Variants in PCDHGB5 observed in about 807,000 individuals in gnomAD.
The protein encoded by PCDHGB5 is protocadherin gamma subfamily B, 5.
Under a neutral mutation model 62.9 loss-of-function variants are expected in PCDHGB5, and 48 were observed. The ratio of observed to expected loss-of-function variants is 0.76; its 90% CI spans 0.61 to 0.97. PCDHGB5 has a LOEUF of 0.97. PCDHGB5 is among the 50% of genes least tolerant of loss of function. The probability of loss-of-function intolerance (pLI) is 0.00; values close to 1 mark genes in which losing one functional copy is unlikely to be tolerated. For synonymous variants in PCDHGB5, 474 were observed against 511.2 expected, an observed-to-expected ratio of 0.93 and a Z score of 0.98; for missense variants, 1,118 against 1,198.6, an observed-to-expected ratio of 0.93 and a Z score of 0.99.
At chr5:141,409,201 A>G (rs2095240333) in intron 1 of PCDHGB5, 1 of 1,614,044 alleles carries the variant, frequency 6.2e-7, no homozygotes, top group Non-Finnish European at 8.5e-7. Flanking sequence ...AGTGTAAAGT[A>G]ATCATAGAAA....
intron 1 of PCDHGB5, among the ~76,000 whole-genome samples, chr5:141,475,520 C>T (rs2099364531): frequency 6.6e-6 from 1 of 152,204 alleles, no homozygotes; most frequent in Non-Finnish European, 1.5e-5. Context: ...CACGGAAATG[C>T]TAAATGCCTC....
At position 141,509,907 on chromosome 5, in the gene PCDHGB5, C is replaced by G. The variant is rs149338646; in HGVS notation, c.2546-1040C>G. Among the ~76,000 whole-genome samples, 567 of 152,300 alleles carry G rather than the reference C, an allele frequency of 3.7e-3. 5 individuals carry two copies. Among genetic ancestry groups the G allele is most frequent in the Admixed American group, 0.011 (163 of 15,296 alleles). ...GTGACTGACTGTCCCTTCCAGCATGCGCTTAGGTACACTTGGGCCTGAATG... is the reference window on the plus strand; with the variant it reads ...GTGACTGACTGTCCCTTCCAGCATGGGCTTAGGTACACTTGGGCCTGAATG... On this transcript the variant is annotated intron_variant, in intron 3 of 3. Coordinates refer to ENST00000617380, the MANE Select transcript of PCDHGB5 (RefSeq NM_018925.3).
At chr5:141,433,091 A>C in intron 1 of PCDHGB5, 1 of 1,614,182 alleles carries the variant, frequency 6.2e-7, no homozygotes, top group Non-Finnish European at 8.5e-7. Flanking sequence ...CTATGCAGAC[A>C]TGCTCGTCAG....
At chr5:141,475,840 A>G (rs1039073157) in intron 1 of PCDHGB5, 2 of 434,770 alleles carry the variant, frequency 4.6e-6, no homozygotes, top group Non-Finnish European at 8.2e-6. Context: ...TGTCCTGCTC[A>G]GAGAGCCCGG....
At chr5:141,430,915 G>A (rs565034370) in intron 1 of PCDHGB5, 2 of 1,607,738 alleles carry the variant, frequency 1.2e-6, no homozygotes, top group East Asian at 4.5e-5. Context: ...CCAGGGACCT[G>A]GGGCTGGAGC....
At chr5:141,488,213 C>T (rs1261280988) in intron 1 of PCDHGB5, among the ~76,000 whole-genome samples, 1 of 152,118 alleles carries the variant, frequency 6.6e-6, no homozygotes, top group Non-Finnish European at 1.5e-5. Context: ...CATATCAAGT[C>T]CCTACTGGGG....
intron 1 of PCDHGB5, chr5:141,409,769 G>C (rs1413636372): frequency 1.2e-6 from 2 of 1,612,776 alleles, no homozygotes; most frequent in Non-Finnish European, 1.7e-6. Context: ...CTTTGATCAC[G>C]AGCAGCTGCG....
chr5:141,489,579 C>G lies in PCDHGB5; in HGVS notation c.2398-5228C>G, dbSNP rs112808093. 3.7e-6 allele frequency: 6 copies of G among 1,613,922 alleles called. No individual in the cohort carries two copies. The Admixed American group carries it at 5.0e-5, about 13-fold the overall frequency. On this transcript the variant is annotated intron_variant, in intron 1 of 3. Transcript: ENST00000617380. This position sits in a 1 kb window ranked among gnomAD's most constrained non-coding sequence, Gnocchi z 4.5. ...CAGTGCAGGTGGTGACTGAACACCC[C>G]CTGGAGCTAATCCGTGTAGAGGTAG... is the stretch of plus-strand genomic sequence containing the variant.
At chr5:141,448,921 G>A (rs1323304761) in intron 1 of PCDHGB5, among the ~76,000 whole-genome samples, 3 of 152,120 alleles carry the variant, frequency 2.0e-5, no homozygotes, top group Admixed American at 1.3e-4. Flanking sequence ...CTCCAGCCTG[G>A]GCGACAGAGC....
At chr5:141,440,275 T>C (rs913705052) in intron 1 of PCDHGB5, 14 of 152,120 alleles carry the variant, frequency 9.2e-5, no homozygotes, top group African/African-American at 3.1e-4. Flanking sequence ...GAGACCAGCC[T>C]GACCAACATA....
Position 141,432,917 on chromosome 5 carries a change from C to A in PCDHGB5, c.2397+32393C>A. 6.2e-7 allele frequency: 1 copy of A among 1,614,166 alleles called. No homozygotes were observed. Among genetic ancestry groups the A allele is most frequent in the South Asian group, 1.1e-5 (1 of 91,086 alleles). On this transcript the variant is annotated intron_variant, in intron 1 of 3. Transcript: ENST00000617380. This position sits in a 1 kb window ranked among gnomAD's most constrained non-coding sequence, Gnocchi z 6.0. The stretch of plus-strand genomic sequence containing the variant: ...GCTGGCGCTCAGGCTGCGGCGCTGG[C>A]ACAAGTCACGCCTGCTGCAGGCTTC...
In PCDHGB5 at chr5:141,408,807, G is replaced by A. The variant is rs372007066; in HGVS notation, c.2397+8283G>A. On this transcript the variant is annotated intron_variant, in intron 1 of 3. Transcript: ENST00000617380. ...TTATCTCTGGAGAAACTCCTAGACCGGGAAGAACAGAGATCTCATAGCTTG... is the reference window on the plus strand; with the variant it reads ...TTATCTCTGGAGAAACTCCTAGACCAGGAAGAACAGAGATCTCATAGCTTG... 1.2e-5 allele frequency: 20 copies of A among 1,612,986 alleles called. No homozygotes were observed. Among genetic ancestry groups the A allele is most frequent in the Middle Eastern group, 1.6e-4 (1 of 6,084 alleles).
chr5:141,496,284 G>A (rs1052943936), intron 2 of PCDHGB5, among the ~76,000 whole-genome samples: 6 of 152,210 alleles, frequency 3.9e-5, no homozygotes, highest in Admixed American at 1.3e-4. Context: ...CAGTTGGTCT[G>A]AGCAGAGTGG....
rs1329435709 is a variant in PCDHGB5 at position 141,485,726 on chromosome 5, C to T, written c.2398-9081C>T. ...ACACTTTGCACTGGATGTGAAGAAGCGCAGCGACGGCAGCCTGGTCCCAGA... is the reference window on the plus strand; with the variant it reads ...ACACTTTGCACTGGATGTGAAGAAGTGCAGCGACGGCAGCCTGGTCCCAGA... On this transcript the variant is annotated intron_variant, in intron 1 of 3. Coordinates refer to ENST00000617380, the MANE Select transcript of PCDHGB5 (RefSeq NM_018925.3). This position sits in a 1 kb window ranked among gnomAD's most constrained non-coding sequence, Gnocchi z 5.7. 2 of 1,614,138 alleles carry T rather than the reference C, an allele frequency of 1.2e-6. No homozygotes were observed. The highest frequency in any genetic ancestry group is 8.5e-7 in the Non-Finnish European group (1 of 1,180,024).
At chr5:141,420,223 G>A in intron 1 of PCDHGB5, 2 of 1,604,640 alleles carry the variant, frequency 1.2e-6, no homozygotes, top group Non-Finnish European at 1.7e-6. Context: ...GCATGCTACT[G>A]GCTAGCATTT....
chr5:141,479,572 T>G (rs956648090), intron 1 of PCDHGB5: 2 of 152,190 alleles, frequency 1.3e-5, no homozygotes, highest in African/African-American at 2.4e-5. Context: ...TGGGATGACA[T>G]CTGTGAATAG....
intron 1 of PCDHGB5, chr5:141,440,995 C>G (rs1425894086): frequency 6.6e-6 from 1 of 152,154 alleles, no homozygotes; most frequent in Non-Finnish European, 1.5e-5. Context: ...GTACCCATAT[C>G]TAGTTTGGCC....
Position 141,485,331 on chromosome 5 carries a change from T to C in PCDHGB5, c.2398-9476T>C, listed in dbSNP as rs1203054851. On this transcript the variant is annotated intron_variant, in intron 1 of 3. Transcript: ENST00000617380. This position sits in a 1 kb window ranked among gnomAD's most constrained non-coding sequence, Gnocchi z 5.7. Reference sequence around the variant, plus strand: ...GTAGGGAATGTCGCTCAAGATTTCCTGCTGGATACGGACAGTCTGTCAGCT... The same window carrying C: ...GTAGGGAATGTCGCTCAAGATTTCCCGCTGGATACGGACAGTCTGTCAGCT... 6.2e-7 allele frequency: 1 copy of C among 1,614,048 alleles called. No individual in the cohort carries two copies. Among genetic ancestry groups the C allele is most frequent in the African/African-American group, 1.3e-5 (1 of 74,902 alleles).
intron 1 of PCDHGB5, chr5:141,441,206 C>T (rs750648706): frequency 3.3e-5 from 5 of 152,150 alleles, no homozygotes; most frequent in African/African-American, 4.8e-5. Context: ...GATTCTGCAC[C>T]TTGGACAGTA....
Sources: gnomAD v4.1 joint callset for allele counts (sites outside exome capture counted in the v4.1 genomes callset) on GRCh38, gnomAD v4.1.1 for gene constraint, Gnocchi (gnomAD v3.1) non-coding constraint, MANE v1.5 for transcripts, NCBI Gene and HGNC (gene_info 2026-07-23, HGNC 2026-07-21) for gene names.